The following SIPA1L3 variants were observed in gnomAD, a reference collection of about 807,000 sequenced individuals.
The protein encoded by SIPA1L3 is signal-induced proliferation-associated 1-like protein 3.
SIPA1L3 carries 59 observed loss-of-function variants against 150.1 expected under a neutral mutation model. That is an observed-to-expected ratio of 0.39 (90% CI 0.32 to 0.49). The LOEUF is 0.49. SIPA1L3 is among the 20% of genes least tolerant of loss of function. The pLI, the probability that SIPA1L3 is intolerant of heterozygous loss-of-function variation, is 0.86. For synonymous variants in SIPA1L3, 1,070 were observed against 1,077.6 expected (o/e 0.99, Z 0.14); for missense variants, 2,211 against 2,489.5 (o/e 0.89, Z 2.38).
chr19:37,929,150 A>G (rs1401524413), intron 1 of SIPA1L3, among the ~76,000 whole-genome samples: 1 of 152,144 alleles, frequency 6.6e-6, no homozygotes, highest in Non-Finnish European at 1.5e-5. Flanking sequence ...GCCCAGAGAA[A>G]CCAGCCAAGG....
chr19:38,124,250 C>A (rs1045135110), intron 9 of SIPA1L3, among the ~76,000 whole-genome samples: 1 of 147,096 alleles, frequency 6.8e-6, no homozygotes, highest in Non-Finnish European at 1.5e-5. Context: ...TCAGATGGGG[C>A]GGTTGCCAGG....
intron 13 of SIPA1L3, among the ~76,000 whole-genome samples, chr19:38,156,651 C>T (rs964067700): frequency 1.3e-5 from 2 of 151,658 alleles, no homozygotes; most frequent in African/African-American, 2.4e-5. Context: ...ATGATGAAAC[C>T]CTATCTGTAC....
chr19:38,071,260 T>G, intron 2 of SIPA1L3, among the ~76,000 whole-genome samples: 1 of 139,756 alleles, frequency 7.2e-6, no homozygotes, highest in Non-Finnish European at 1.6e-5. Context: ...TATCTATCTA[T>G]CTATCTGCCT....
chr19:38,173,902 C>T (rs2146004645), intron 15 of SIPA1L3, among the ~76,000 whole-genome samples: 2 of 151,840 alleles, frequency 1.3e-5, no homozygotes, highest in South Asian at 4.2e-4. Flanking sequence ...GGAACAGCTT[C>T]CGCATGGCTG....
intron 1 of SIPA1L3, among the ~76,000 whole-genome samples, chr19:38,023,221 G>A (rs986599172): frequency 1.3e-5 from 2 of 152,308 alleles, no homozygotes; most frequent in Non-Finnish European, 2.9e-5. Context: ...CACCACACTA[G>A]CACGCCTATC....
intron 4 of SIPA1L3, among the ~76,000 whole-genome samples, chr19:38,090,792 G>T (rs1190240316): frequency 1.3e-5 from 2 of 152,332 alleles, no homozygotes; most frequent in Middle Eastern, 3.4e-3. Context: ...CCTCATCCAG[G>T]CTGGCAGATG....
At chr19:37,939,181 C>T (rs1256647995) in intron 1 of SIPA1L3, among the ~76,000 whole-genome samples, 1 of 152,114 alleles carries the variant, frequency 6.6e-6, no homozygotes, top group Non-Finnish European at 1.5e-5. Flanking sequence ...GTATGACTGA[C>T]TATACCTGTT....
rs192343706 is a variant in SIPA1L3, at chr19:38,086,230, C to T, written c.1535-2491C>T. 4.5e-3 allele frequency among the ~76,000 whole-genome samples: 685 copies of T among 151,608 alleles called. 1 individual carries two copies. The highest frequency in any genetic ancestry group is 0.015 in the African/African-American group (619 of 41,274). On this transcript the variant is annotated intron_variant, in intron 3 of 21. Transcript: ENST00000222345. ...TCTTTTCAACCTACACGTACAAATA[C>T]GTACATGAAAGGAATGTGGATCAAA...
intron 1 of SIPA1L3, among the ~76,000 whole-genome samples, chr19:37,999,863 G>A (rs1967740379): frequency 6.6e-6 from 1 of 152,148 alleles, no homozygotes; most frequent in Admixed American, 6.5e-5. Context: ...CTTATAGTTG[G>A]TCATGATTGC....
intron 1 of SIPA1L3, among the ~76,000 whole-genome samples, chr19:37,936,234 G>A (rs577961062): frequency 6.6e-6 from 1 of 152,260 alleles, no homozygotes; most frequent in African/African-American, 2.4e-5. Flanking sequence ...CAGTTTTTCA[G>A]TTGGGCCCAT....
At chr19:38,138,910 A>AAAAAACAAAAAACAAAAAC (rs1568570942) in intron 10 of SIPA1L3, among the ~76,000 whole-genome samples, 1 of 112,786 alleles carries the variant, frequency 8.9e-6, no homozygotes, top group African/African-American at 3.8e-5. Flanking sequence ...AAAAAAAAAA[A>AAAAAACAAAAAACAAAAAC]AAAAACTGAG....
At chr19:38,088,557 T>G (rs1349844940) in intron 3 of SIPA1L3, among the ~76,000 whole-genome samples, 164 bp from the exon 4 acceptor site, 1 of 152,180 alleles carries the variant, frequency 6.6e-6, no homozygotes, top group Non-Finnish European at 1.5e-5. Flanking sequence ...CCTCTTACAG[T>G]GTCTCCACTG....
intron 1 of SIPA1L3, among the ~76,000 whole-genome samples, chr19:37,983,002 A>T (rs1967239568): frequency 6.6e-6 from 1 of 152,164 alleles, no homozygotes; most frequent in African/African-American, 2.4e-5. Context: ...CTACCCCGAC[A>T]TCCCAGCCAG....
At chr19:37,924,384 C>A (rs2046482877) in intron 1 of SIPA1L3, among the ~76,000 whole-genome samples, 1 of 150,366 alleles carries the variant, frequency 6.7e-6, no homozygotes, top group South Asian at 2.1e-4. Flanking sequence ...GGAATATCTC[C>A]TGAAGGACCT....
chr19:38,162,448 C>T (rs1972114933), intron 14 of SIPA1L3, 77 bp downstream of exon 14: 2 of 1,047,136 alleles, frequency 1.9e-6, no homozygotes, highest in African/African-American at 1.6e-5. Flanking sequence ...CACACTTGAG[C>T]ACATCCTCAA....
At chr19:37,974,206 G>A (rs1489739771) in intron 1 of SIPA1L3, among the ~76,000 whole-genome samples, 2 of 152,076 alleles carry the variant, frequency 1.3e-5, no homozygotes, top group Middle Eastern at 3.2e-3. Context: ...GGGACTCATC[G>A]ACCTCCTCAA....
At chr19:38,032,715 G>A (rs940823502) in intron 2 of SIPA1L3, among the ~76,000 whole-genome samples, 3 of 152,000 alleles carry the variant, frequency 2.0e-5, no homozygotes, top group Non-Finnish European at 4.4e-5. Flanking sequence ...TTAGCCAACC[G>A]TGGTGGCACA....
At chr19:38,102,537 G>T (rs1354942197) in intron 6 of SIPA1L3, among the ~76,000 whole-genome samples, 2 of 145,750 alleles carry the variant, frequency 1.4e-5, no homozygotes, top group Non-Finnish European at 3.0e-5. Context: ...AAGGAGGATT[G>T]CTTTAGGCCA....
chr19:38,104,951 C>A (rs185821276), intron 6 of SIPA1L3, among the ~76,000 whole-genome samples: 41 of 152,202 alleles, frequency 2.7e-4, no homozygotes, highest in African/African-American at 8.7e-4. Flanking sequence ...CAAGAATGGC[C>A]CTGGCTTGAG....
Sources: gnomAD v4.1 joint callset for allele counts (sites outside exome capture counted in the v4.1 genomes callset) on GRCh38, gnomAD v4.1.1 for gene constraint, MANE v1.5 for transcripts, NCBI Gene and HGNC (gene_info 2026-07-23, HGNC 2026-07-21) for gene names.